The following RAB27B variants were observed in gnomAD, a reference collection of about 807,000 sequenced individuals.
RAB27B encodes the protein RAB27B, member RAS oncogene family.
In RAB27B, 15 loss-of-function variants were observed where a neutral mutation model predicts 24.6. That is an observed-to-expected ratio of 0.61 (90% confidence interval 0.41 to 0.94). The LOEUF (loss-of-function observed/expected upper bound fraction) is 0.94. RAB27B is among the 40% of genes least tolerant of loss of function. RAB27B has a pLI of 0.00. For synonymous variants in RAB27B, 105 were observed against 92.5 expected, an observed-to-expected ratio of 1.14 and a Z score of -0.78; for missense variants, 261 against 266.8, an observed-to-expected ratio of 0.98 and a Z score of 0.15.
intron 2 of RAB27B, among the ~76,000 whole-genome samples, chr18:54,762,511 G>T (rs1035223): frequency 0.45 from 68,575 of 152,034 alleles, 17,279 homozygotes; most frequent in Middle Eastern, 0.58. Flanking sequence ...TCCCGCTCTT[G>T]TTCACTCTGC....
chr18:54,743,611 A>G (rs1329759681), intron 2 of RAB27B, among the ~76,000 whole-genome samples: 3 of 152,174 alleles, frequency 2.0e-5, no homozygotes, highest in African/African-American at 7.2e-5. Context: ...TGACTGGTGG[A>G]TGCCTGGTCC....
chr18:54,815,732 T>C (rs1331077312), intron 2 of RAB27B, among the ~76,000 whole-genome samples: 1 of 152,164 alleles, frequency 6.6e-6, no homozygotes, highest in Non-Finnish European at 1.5e-5. Context: ...TTCATCATGG[T>C]ATTTACTATA....
intron 2 of RAB27B, among the ~76,000 whole-genome samples, chr18:54,743,475 T>C (rs1910134565): frequency 6.6e-6 from 1 of 152,178 alleles, no homozygotes; most frequent in Admixed American, 6.5e-5. Context: ...AGGAGCTGAT[T>C]TCCATTGAAT....
chr18:54,889,075 A>G, intron 5 of RAB27B, 149 bp from the exon 6 acceptor site: 2 of 694,698 alleles, frequency 2.9e-6, no homozygotes, highest in Non-Finnish European at 4.3e-6. Context: ...AGGAAAAAAC[A>G]AGGATGCTTT....
At position 54,774,111 on chromosome 18, in the gene RAB27B, A is replaced by C. The variant is rs138852413; in HGVS notation, c.-20+55970A>C. Among the ~76,000 whole-genome samples the C allele has an allele frequency of 1.0e-3, 154 of 152,294 alleles. 1 individual carries two copies. Among genetic ancestry groups the C allele is most frequent in the African/African-American group, 3.3e-3 (137 of 41,568 alleles). ...GAAACTATGCAACTGAATAGCTAAC[A>C]CACACGGCATCCCTGCCAATTTGTA... is the stretch of plus-strand genomic sequence containing the variant. On this transcript the variant is annotated intron_variant, in intron 2 of 4. Transcript: ENST00000586570.
At chr18:54,888,456 C>T (rs1448210529) in intron 5 of RAB27B, among the ~76,000 whole-genome samples, 2 of 152,062 alleles carry the variant, frequency 1.3e-5, no homozygotes, top group South Asian at 2.1e-4. Flanking sequence ...TAGTGACAGG[C>T]AGAGCTTAAA....
At chr18:54,734,469 C>A (rs1253778287) in intron 2 of RAB27B, among the ~76,000 whole-genome samples, 1 of 152,088 alleles carries the variant, frequency 6.6e-6, no homozygotes, top group African/African-American at 2.4e-5. Flanking sequence ...GATGATGAGA[C>A]TGATTGGCTG....
intron 2 of RAB27B, among the ~76,000 whole-genome samples, chr18:54,741,065 C>A (rs1411548347): frequency 2.0e-5 from 3 of 151,952 alleles, no homozygotes; most frequent in African/African-American, 4.8e-5. Context: ...AAATAGTGTC[C>A]CTAGCATACA....
At chr18:54,741,335 G>A (rs1287001847) in intron 2 of RAB27B, among the ~76,000 whole-genome samples, 1 of 152,082 alleles carries the variant, frequency 6.6e-6, no homozygotes, top group Non-Finnish European at 1.5e-5. Flanking sequence ...TACAGTCAAA[G>A]ATGAATGTAT....
At chr18:54,887,101 C>T (rs905191255) in intron 4 of RAB27B, among the ~76,000 whole-genome samples, 3 of 145,856 alleles carry the variant, frequency 2.1e-5, no homozygotes, top group Admixed American at 6.9e-5. Flanking sequence ...CCCCCTCCGC[C>T]CACACATAGT....
intron 2 of RAB27B, among the ~76,000 whole-genome samples, chr18:54,786,139 C>T (rs1909077704): frequency 6.6e-6 from 1 of 152,048 alleles, no homozygotes; most frequent in South Asian, 2.1e-4. Context: ...AGAATATTTC[C>T]TCCTTCCTCA....
chr18:54,805,100 T>G lies in RAB27B; in HGVS notation c.-19-72467T>G, dbSNP rs73960641. Among the ~76,000 whole-genome samples, 277 of 152,012 alleles carry G rather than the reference T, an allele frequency of 1.8e-3. 1 individual carries two copies. The highest frequency in any genetic ancestry group is 6.5e-3 in the African/African-American group (271 of 41,442). On this transcript the variant is annotated intron_variant, in intron 2 of 4. Transcript: ENST00000586570. ...GGAGGTCTCCTTAATCCAAGGGCAC[T>G]CTGAGCATCCTCCCTAGAGCCTCAG... is the stretch of plus-strand genomic sequence containing the variant.
At chr18:54,792,723 G>GT (rs1909290159) in intron 2 of RAB27B, among the ~76,000 whole-genome samples, 1 of 149,120 alleles carries the variant, frequency 6.7e-6, no homozygotes, top group African/African-American at 2.5e-5. Flanking sequence ...AGTCTCTGGT[G>GT]TTAAGGAACT....
intron 1 of RAB27B, among the ~76,000 whole-genome samples, chr18:54,867,069 G>T (rs1912260199): frequency 6.6e-6 from 1 of 152,190 alleles, no homozygotes; most frequent in South Asian, 2.1e-4. Flanking sequence ...TTGGGCAAAT[G>T]CCTGAACAGT....
intron 1 of RAB27B, among the ~76,000 whole-genome samples, chr18:54,842,785 C>T (rs985279750): frequency 9.2e-5 from 14 of 152,126 alleles, no homozygotes; most frequent in Admixed American, 5.2e-4. Context: ...TTGCAAGTTT[C>T]TTGAATTTAT....
At chr18:54,827,884 T>C (rs1251328822), upstream of RAB27B, among the ~76,000 whole-genome samples, 1 of 152,180 alleles carries the variant, frequency 6.6e-6, no homozygotes, top group Non-Finnish European at 1.5e-5. Flanking sequence ...GCATAGCACA[T>C]AGTAGGTGCT....
chr18:54,767,179 A>G (rs915436787), intron 2 of RAB27B, among the ~76,000 whole-genome samples: 1 of 152,164 alleles, frequency 6.6e-6, no homozygotes, highest in African/African-American at 2.4e-5. Context: ...TACAGGAATG[A>G]AACACCCAAA....
At chr18:54,780,078 G>A (rs1238322429) in intron 2 of RAB27B, among the ~76,000 whole-genome samples, 2 of 133,892 alleles carry the variant, frequency 1.5e-5, no homozygotes, top group East Asian at 2.1e-4. Context: ...CCCTCACCGC[G>A]TCTCCGCCCG....
At chr18:54,728,903 C>CAAAAAAAAAAAACAAA (rs1909635423) in intron 2 of RAB27B, among the ~76,000 whole-genome samples, 1 of 68,254 alleles carries the variant, frequency 1.5e-5, no homozygotes, top group Non-Finnish European at 2.5e-5. Flanking sequence ...AAAAAAAACC[C>CAAAAAAAAAAAACAAA]AAAAAAAAAA....
Sources: allele counts gnomAD v4.1 joint callset (sites outside exome capture counted in the v4.1 genomes callset), GRCh38; gene constraint gnomAD v4.1.1; transcripts MANE v1.5; gene names NCBI Gene and HGNC (gene_info 2026-07-23, HGNC 2026-07-21).